Variants in LRRC63 observed in about 807,000 individuals in gnomAD.
The protein encoded by LRRC63 is leucine-rich repeat-containing protein 63.
In LRRC63, 40 loss-of-function variants were observed where a neutral mutation model predicts 49.5. The observed-to-expected ratio is 0.81, with a 90% CI of 0.63 to 1.05. LRRC63 has a LOEUF of 1.05. Ranked by LOEUF, LRRC63 falls within the 50% of genes least tolerant of loss-of-function variation. The pLI is 0.00. For synonymous variants in LRRC63, 191 were observed against 221.1 expected, an observed-to-expected ratio of 0.86 and a Z score of 1.21; for missense variants, 636 against 663.1, an observed-to-expected ratio of 0.96 and a Z score of 0.45.
At chr13:46,246,541 A>G in exon 6 of LRRC63, 2 of 1,453,010 alleles carry the variant, frequency 1.4e-6, no homozygotes, top group Non-Finnish European at 1.8e-6. Flanking sequence ...TTTTTATCCT[A>G]AATTGTCCAG....
intron 9 of LRRC63, among the ~76,000 whole-genome samples, chr13:46,271,983 A>G (rs2047766220): frequency 6.6e-6 from 1 of 152,172 alleles, no homozygotes; most frequent in Admixed American, 6.5e-5. Flanking sequence ...ATAAAATGAG[A>G]TAATTATAAC....
At chr13:46,269,799 T>TTA (rs933996335) in intron 9 of LRRC63, among the ~76,000 whole-genome samples, 12 of 147,462 alleles carry the variant, frequency 8.1e-5, no homozygotes, top group Admixed American at 2.7e-4. Flanking sequence ...TATATATATA[T>TTA]TATATATATA....
At chr13:46,213,154 T>G in intron 2 of LRRC63, 35 bp downstream of exon 2, 1 of 1,335,140 alleles carries the variant, frequency 7.5e-7, no homozygotes, top group Non-Finnish European at 1.0e-6. Context: ...TATTAACATT[T>G]ATGTATCTTT....
chr13:46,255,671 T>TATATATATATATATA (rs1487104632), intron 7 of LRRC63, among the ~76,000 whole-genome samples: 7 of 148,312 alleles, frequency 4.7e-5, no homozygotes, highest in South Asian at 2.2e-4. Context: ...TATATAGTTA[T>TATATATATATATATA]TAGTAACCTC....
intron 6 of LRRC63, among the ~76,000 whole-genome samples, chr13:46,249,135 A>G (rs1328983978): frequency 6.6e-6 from 1 of 151,870 alleles, no homozygotes; most frequent in Non-Finnish European, 1.5e-5. Context: ...GAGATGCATT[A>G]CAGAGTACTC....
At chr13:46,231,638 TA>T (rs1471282278) in intron 4 of LRRC63, among the ~76,000 whole-genome samples, 2 of 151,902 alleles carry the variant, frequency 1.3e-5, no homozygotes, top group Non-Finnish European at 2.9e-5. Flanking sequence ...GCCTCCTGAG[TA>T]ACTGGGACTG....
exon 10 of LRRC63, chr13:46,276,851 T>TATGTATATATATATATATATA (rs1566518782): frequency 6.9e-6 from 1 of 144,282 alleles, no homozygotes; most frequent in African/African-American, 3.2e-5. Context: ...TATATATATA[T>TATGTATATATATATATATATA]TTATATATAT....
In LRRC63 at chr13:46,227,551, CT is replaced by C; in HGVS notation, c.126del (p.Glu43LysfsTer18). 1 of 1,543,210 alleles carries C rather than the reference CT, an allele frequency of 6.5e-7. No individual in the cohort carries two copies. Among genetic ancestry groups the C allele is most frequent in the African/African-American group, 1.4e-5 (1 of 72,832 alleles). On this transcript the variant is annotated frameshift_variant, in exon 3 of 10. Transcript: ENST00000595396. LOFTEE classifies it high-confidence loss of function. Reference sequence around the variant, plus strand: ...ATTGAGTCACTACATGTAGCATTCACTGAAGATGAAACCACTTCCATTAAAA... The same window carrying C: ...ATTGAGTCACTACATGTAGCATTCACGAAGATGAAACCACTTCCATTAAAA...
chr13:46,271,737 A>AAAC (rs1555330209), intron 9 of LRRC63, among the ~76,000 whole-genome samples: 2,081 of 150,808 alleles, frequency 0.014, 53 homozygotes, highest in African/African-American at 0.048. Context: ...AAAAAAAAAA[A>AAAC]CTCCAACAAC....
intron 8 of LRRC63, among the ~76,000 whole-genome samples, chr13:46,263,174 T>A (rs202134319): frequency 3.4e-4 from 22 of 65,400 alleles, no homozygotes; most frequent in African/African-American, 1.5e-3. Context: ...ATTTTTGAAT[T>A]TATTTTATTT....
intron 4 of LRRC63, among the ~76,000 whole-genome samples, chr13:46,232,968 A>G (rs1462524080): frequency 6.6e-6 from 1 of 152,200 alleles, no homozygotes; most frequent in Admixed American, 6.5e-5. Context: ...TACCCAATTA[A>G]TAATTCAAAT....
Position 46,237,953 on chromosome 13 carries a change from A to C in LRRC63, c.990+3604A>C, listed in dbSNP as rs2046950259. Among the ~76,000 whole-genome samples, 9 of 152,292 alleles carry C rather than the reference A, an allele frequency of 5.9e-5. 1 individual carries two copies. The South Asian group carries it at 1.9e-3, about 32-fold the overall frequency. Reference sequence around the variant, plus strand: ...AATGAGATTAAATCAGTAACAAAAAACTTCCAAACAAAGAAAAATCCAGGA... The same window carrying C: ...AATGAGATTAAATCAGTAACAAAAACCTTCCAAACAAAGAAAAATCCAGGA... On this transcript the variant is annotated intron_variant, in intron 5 of 9. Transcript: ENST00000595396.
At chr13:46,237,546 A>T (rs1445052185) in intron 5 of LRRC63, among the ~76,000 whole-genome samples, 1 of 152,172 alleles carries the variant, frequency 6.6e-6, no homozygotes, top group Admixed American at 6.5e-5. Flanking sequence ...AACTTGAAGA[A>T]AGAGAGCAAA....
At chr13:46,267,657 G>T (rs1180341335) in intron 9 of LRRC63, among the ~76,000 whole-genome samples, 1 of 152,186 alleles carries the variant, frequency 6.6e-6, no homozygotes, top group Admixed American at 6.5e-5. Context: ...AACTATTGGA[G>T]AAATTGAACA....
intron 9 of LRRC63, among the ~76,000 whole-genome samples, chr13:46,276,027 G>T (rs2047831581): frequency 6.6e-6 from 1 of 152,048 alleles, no homozygotes; most frequent in African/African-American, 2.4e-5. Context: ...AGATTGAAAA[G>T]CTTTACCTGT....
At chr13:46,249,671 T>C (rs986394431) in intron 6 of LRRC63, among the ~76,000 whole-genome samples, 3 of 151,832 alleles carry the variant, frequency 2.0e-5, no homozygotes, top group African/African-American at 7.2e-5. Context: ...GGAGCACTGA[T>C]GCTTCCTGAT....
intron 7 of LRRC63, among the ~76,000 whole-genome samples, chr13:46,258,591 C>CTT (rs1436745091): frequency 6.6e-6 from 1 of 150,832 alleles, no homozygotes; most frequent in Non-Finnish European, 1.5e-5. Context: ...GGGCGAATCA[C>CTT]GAGGTCAGGA....
exon 6 of LRRC63, chr13:46,246,566 G>A: frequency 6.8e-7 from 1 of 1,465,730 alleles, no homozygotes; most frequent in Non-Finnish European, 9.0e-7. Context: ...AACACCTTTG[G>A]CTTTCCAGTT....
chr13:46,258,527 T>G (rs1243980788), intron 7 of LRRC63, among the ~76,000 whole-genome samples: 2 of 149,222 alleles, frequency 1.3e-5, no homozygotes, highest in Non-Finnish European at 3.0e-5. Flanking sequence ...TCTTGTAAAT[T>G]GGCTGGGCAT....
Sources: allele counts gnomAD v4.1 joint callset (sites outside exome capture counted in the v4.1 genomes callset), GRCh38; gene constraint gnomAD v4.1.1; transcripts MANE v1.5; gene names NCBI Gene and HGNC (gene_info 2026-07-23, HGNC 2026-07-21).